Variants in GET4 observed in about 807,000 individuals in gnomAD.
GET4 encodes guided entry of tail-anchored proteins factor 4.
In GET4, 20 loss-of-function variants were observed where a neutral mutation model predicts 40.0. The observed-to-expected ratio is 0.50, with a 90% CI of 0.35 to 0.73. The LOEUF (loss-of-function observed/expected upper bound fraction) is 0.73. GET4 is among the 30% of genes least tolerant of loss of function. The probability of loss-of-function intolerance (pLI) is 0.01; values close to 1 mark genes in which losing one functional copy is unlikely to be tolerated. For synonymous variants in GET4, 280 were observed against 194.6 expected, an observed-to-expected ratio of 1.44 and a Z score of -3.65; for missense variants, 557 against 454.0, an observed-to-expected ratio of 1.23 and a Z score of -2.06.
intron 1 of GET4, chr7:883,434 C>T: frequency 1.2e-6 from 1 of 810,640 alleles, no homozygotes; most frequent in Non-Finnish European, 1.5e-6. Flanking sequence ...CAGTCTCGGC[C>T]ACTAGTTCTA....
At chr7:894,204 C>T (rs998925514) in intron 8 of GET4, among the ~76,000 whole-genome samples, 2 of 152,088 alleles carry the variant, frequency 1.3e-5, no homozygotes, top group African/African-American at 2.4e-5. Flanking sequence ...CCTGAGGTGT[C>T]TTCCATTTCC....
chr7:877,039 T>C (rs1843969496), intron 1 of GET4, among the ~76,000 whole-genome samples: 1 of 150,844 alleles, frequency 6.6e-6, no homozygotes, highest in African/African-American at 2.4e-5. Flanking sequence ...TTCCTTCCCC[T>C]CTCCTGCGTT....
Position 887,586 on chromosome 7 carries a change from C to G in GET4, c.466+67C>G, listed in dbSNP as rs1362097237. 7 of 1,251,624 alleles carry G rather than the reference C, an allele frequency of 5.6e-6. No individual in the cohort carries two copies. In the East Asian group the frequency reaches 7.8e-5, roughly 14 times the overall value. 77.5% of individuals were successfully genotyped at this position (1,251,624 alleles called of 1,614,324 possible). On this transcript the variant is annotated intron_variant, in intron 4 of 8. Coordinates refer to ENST00000265857, the MANE Select transcript of GET4 (RefSeq NM_015949.3). ...TCGGCGTTGATTTGCACTGTGCGTTCCAATACATCAGGGTCACCCACCAGG... is the reference window on the plus strand; with the variant it reads ...TCGGCGTTGATTTGCACTGTGCGTTGCAATACATCAGGGTCACCCACCAGG...
intron 1 of GET4, chr7:883,749 C>A (rs1844131230): frequency 1.1e-5 from 11 of 987,576 alleles, no homozygotes; most frequent in Non-Finnish European, 1.2e-5. Context: ...GGGTACCTGT[C>A]CTGGCTTAGT....
intron 1 of GET4, among the ~76,000 whole-genome samples, chr7:879,295 G>C (rs2128626352): frequency 6.6e-6 from 1 of 152,342 alleles, no homozygotes; most frequent in East Asian, 1.9e-4. Context: ...ACGCCGCGGT[G>C]CCACGTGCTG....
At chr7:889,029 T>G (rs540540724) in intron 4 of GET4, among the ~76,000 whole-genome samples, 26 of 152,360 alleles carry the variant, frequency 1.7e-4, no homozygotes, top group Non-Finnish European at 3.7e-4. Flanking sequence ...TGCCCAGTAC[T>G]CAGGAGACCT....
chr7:886,287 CT>C (rs1176279120), intron 2 of GET4, 153 bp downstream of exon 2: 16 of 624,884 alleles, frequency 2.6e-5, no homozygotes, highest in Middle Eastern at 3.4e-4. Flanking sequence ...AGAGTCCCCC[CT>C]GGCTTGGCTG....
Position 886,739 on chromosome 7 carries a change from G to A in GET4, c.316+89G>A, listed in dbSNP as rs372413925. Reference sequence around the variant, plus strand: ...TCTCTGCGCTGTGTTTCGTGTCTGCGTTTGGGGGTCTTGTGTGCTGTGGGG... The same window carrying A: ...TCTCTGCGCTGTGTTTCGTGTCTGCATTTGGGGGTCTTGTGTGCTGTGGGG... On this transcript the variant is annotated intron_variant, in intron 3 of 8. Coordinates refer to ENST00000265857, the MANE Select transcript of GET4 (RefSeq NM_015949.3). 1.4e-4 allele frequency: 121 copies of A among 870,848 alleles called. No individual in the cohort carries two copies. In the East Asian group the frequency reaches 2.4e-3, roughly 18 times the overall value. 53.9% of individuals were successfully genotyped at this position (870,848 alleles called of 1,614,324 possible). A position where few individuals can be genotyped will look rare whatever the true frequency, so the allele number is the denominator to read the frequency against.
intron 1 of GET4, chr7:883,467 C>G: frequency 3.1e-6 from 3 of 978,576 alleles, no homozygotes; most frequent in Non-Finnish European, 3.6e-6. Context: ...CTGTGTTCTG[C>G]TTTTTAATGT....
intron 5 of GET4, among the ~76,000 whole-genome samples, chr7:891,449 C>T (rs376460654): frequency 6.6e-6 from 1 of 151,974 alleles, no homozygotes; most frequent in Non-Finnish European, 1.5e-5. Flanking sequence ...CTCGCTGGGG[C>T]GTCCTGCAGG....
intron 1 of GET4, among the ~76,000 whole-genome samples, chr7:879,153 C>T (rs1844033679): frequency 6.6e-6 from 1 of 152,230 alleles, no homozygotes; most frequent in Non-Finnish European, 1.5e-5. Flanking sequence ...GAATTGTTAC[C>T]TGGAAAACTC....
intron 1 of GET4, chr7:885,571 AG>A (rs1844171208): frequency 6.4e-6 from 1 of 156,912 alleles, no homozygotes. Flanking sequence ...TGGCACGCAG[AG>A]GGGCAGAGGG....
Position 895,705 on chromosome 7 carries a change from CTCCTTTGTTCTGGG to C in GET4, c.*290_*303del. 4.0e-6 allele frequency: 1 copy of C among 247,224 alleles called. No homozygotes were observed. Among genetic ancestry groups the C allele is most frequent in the Non-Finnish European group, 7.8e-6 (1 of 128,084 alleles). The allele number at this position is 247,224 out of a possible 1,614,324, so 15.3% of individuals were successfully genotyped here. A position where few individuals can be genotyped will look rare whatever the true frequency, so the allele number is the denominator to read the frequency against. ...CTTACCGCGGCGTCACCCTCTCCCA[CTCCTTTGTTCTGGG>C]TCCTTTCGGGAGGGCTGATGGGCAG... On this transcript the variant is annotated 3_prime_UTR_variant, in exon 9 of 9. Transcript: ENST00000265857.
chr7:894,296 T>C (rs1045630323), intron 8 of GET4, among the ~76,000 whole-genome samples: 4 of 152,108 alleles, frequency 2.6e-5, no homozygotes, highest in Admixed American at 6.5e-5. Flanking sequence ...GTGAGCCTGG[T>C]GTGCCCGGGA....
Position 896,256 on chromosome 7 carries a change from A to G in GET4, c.*834A>G, listed in dbSNP as rs867294929. On this transcript the variant is annotated 3_prime_UTR_variant, in exon 9 of 9. Coordinates refer to ENST00000265857, the MANE Select transcript of GET4 (RefSeq NM_015949.3). Reference sequence around the variant, plus strand: ...CTCCGTTCTGTCAGATGCTACTCCAAATGTTACCAGAACGATGACAAAAGG... The same window carrying G: ...CTCCGTTCTGTCAGATGCTACTCCAGATGTTACCAGAACGATGACAAAAGG... 3.9e-5 allele frequency: 6 copies of G among 152,244 alleles called. No individual in the cohort carries two copies. The highest frequency in any genetic ancestry group is 1.3e-4 in the Admixed American group (2 of 15,290). 9.4% of individuals were successfully genotyped at this position (152,244 alleles called of 1,614,324 possible).
chr7:877,143 C>G (rs1474732140), intron 1 of GET4, among the ~76,000 whole-genome samples: 1 of 151,870 alleles, frequency 6.6e-6, no homozygotes, highest in East Asian at 1.9e-4. Context: ...GGCCGCCTCC[C>G]GCCTCGTCCT....
At chr7:892,233 C>T in intron 5 of GET4, 45 bp from the exon 6 acceptor site, 1 of 1,576,734 alleles carries the variant, frequency 6.3e-7, no homozygotes, top group Non-Finnish European at 8.7e-7. Context: ...CGGGCAGAAG[C>T]TGTGTCCTCC....
intron 4 of GET4, among the ~76,000 whole-genome samples, chr7:889,550 G>A (rs1039639955): frequency 7.9e-5 from 12 of 152,324 alleles, no homozygotes; most frequent in African/African-American, 2.9e-4. Context: ...GTCAGGAAAG[G>A]GCCCACTAGG....
chr7:887,303 G>A (rs1253226880), intron 3 of GET4, 67 bp from the exon 4 acceptor site: 15 of 1,464,560 alleles, frequency 1.0e-5, no homozygotes, highest in Non-Finnish European at 1.4e-5. Flanking sequence ...CCACTTCTGT[G>A]GGGAATGTGG....
Sources: gnomAD v4.1 joint callset for allele counts (sites outside exome capture counted in the v4.1 genomes callset) on GRCh38, gnomAD v4.1.1 for gene constraint, MANE v1.5 for transcripts, NCBI Gene and HGNC (gene_info 2026-07-23, HGNC 2026-07-21) for gene names.